GPM6A: variants seen among roughly 807,000 people sequenced by gnomAD.
GPM6A encodes glycoprotein M6A, also known as neuronal membrane glycoprotein M6-a.
Under a neutral mutation model 32.1 loss-of-function variants are expected in GPM6A, and 7 were observed. The observed-to-expected ratio is 0.22, with a 90% CI of 0.12 to 0.41. The LOEUF is 0.41. GPM6A is among the 10% of genes least tolerant of loss of function. The probability of loss-of-function intolerance (pLI) is 1.00; values close to 1 mark genes in which losing one functional copy is unlikely to be tolerated. For synonymous variants in GPM6A, 130 were observed against 123.4 expected (o/e 1.05, Z -0.35); for missense variants, 235 against 347.2 (o/e 0.68, Z 2.57).
chr4:175,950,028 A>C (rs892933398), intron 1 of GPM6A, among the ~76,000 whole-genome samples: 2 of 152,226 alleles, frequency 1.3e-5, no homozygotes, highest in African/African-American at 4.8e-5. Flanking sequence ...TTTTGTAAAG[A>C]AAATAAAGTA....
intron 1 of GPM6A, among the ~76,000 whole-genome samples, chr4:175,711,193 C>G (rs984684070): frequency 6.6e-6 from 1 of 151,594 alleles, no homozygotes; most frequent in African/African-American, 2.4e-5. Context: ...TTCAAAACTT[C>G]AATTGTTTGG....
chr4:175,640,711 T>G, intron 5 of GPM6A, 42 bp downstream of exon 5: 1 of 1,251,482 alleles, frequency 8.0e-7, no homozygotes, highest in Non-Finnish European at 1.2e-6. Context: ...AAAAAATGAA[T>G]GCTAAAATTC....
At chr4:175,947,992 A>G (rs1278746182) in intron 1 of GPM6A, among the ~76,000 whole-genome samples, 1 of 152,122 alleles carries the variant, frequency 6.6e-6, no homozygotes, top group African/African-American at 2.4e-5. Context: ...TTTTCTATGC[A>G]ACACTATATG....
intron 1 of GPM6A, among the ~76,000 whole-genome samples, chr4:175,824,213 T>G (rs904672843): frequency 2.0e-5 from 3 of 152,174 alleles, no homozygotes; most frequent in African/African-American, 7.2e-5. Context: ...ATTGATACAC[T>G]CAAGTAATTT....
intron 1 of GPM6A, among the ~76,000 whole-genome samples, chr4:175,740,534 C>T (rs79108515): frequency 0.046 from 7,008 of 151,992 alleles, 201 homozygotes; most frequent in Non-Finnish European, 0.063. Context: ...TATCTTCCCA[C>T]GAGTGCCTCC....
At chr4:175,830,503 C>T (rs538313688) in intron 1 of GPM6A, among the ~76,000 whole-genome samples, 1 of 152,284 alleles carries the variant, frequency 6.6e-6, no homozygotes, top group South Asian at 2.1e-4. Flanking sequence ...ATTTAATCTT[C>T]ACCATACCTC....
At chr4:175,895,856 A>C (rs1324785316) in intron 1 of GPM6A, among the ~76,000 whole-genome samples, 1 of 152,074 alleles carries the variant, frequency 6.6e-6, no homozygotes, top group East Asian at 1.9e-4. Context: ...TTTTTTAGTA[A>C]CTCTTCATAA....
rs568022651 is a variant in GPM6A at position 175,811,555 on chromosome 4, T to TA, written c.37+635dup. Among the ~76,000 whole-genome samples the TA allele has an allele frequency of 2.1e-3, 322 of 152,154 alleles. 2 individuals carry two copies. Among genetic ancestry groups the TA allele is most frequent in the African/African-American group, 7.3e-3 (302 of 41,532 alleles). On this transcript the variant is annotated intron_variant, in intron 1 of 6. Transcript: ENST00000393658. ...TACCTAGACAAGCTTTAAAAACACA[T>TA]AAAAAAATTTCCTTTAACATTATTA...
intron 1 of GPM6A, among the ~76,000 whole-genome samples, chr4:175,883,067 C>T (rs1737333323): frequency 6.6e-6 from 1 of 152,080 alleles, no homozygotes. Flanking sequence ...GAGTAGCTCA[C>T]ATGGCTGAAA....
intron 2 of GPM6A, among the ~76,000 whole-genome samples, chr4:175,687,257 G>T (rs922152670): frequency 1.3e-5 from 2 of 152,096 alleles, no homozygotes; most frequent in Non-Finnish European, 1.5e-5. Context: ...GCACAACGTG[G>T]TATAGCAGAT....
intron 1 of GPM6A, among the ~76,000 whole-genome samples, chr4:175,804,355 G>T (rs193145620): frequency 7.0e-4 from 107 of 152,108 alleles, no homozygotes; most frequent in Admixed American, 2.1e-3. Flanking sequence ...TCTCCCTTCT[G>T]CCCACCTCAT....
intron 1 of GPM6A, among the ~76,000 whole-genome samples, chr4:175,749,011 C>G (rs552183103): frequency 8.7e-4 from 132 of 152,182 alleles, no homozygotes; most frequent in African/African-American, 3.1e-3. Context: ...CTTTAACTTC[C>G]CCCCACCTCA....
intron 3 of GPM6A, among the ~76,000 whole-genome samples, chr4:175,663,657 A>G (rs1197943156): frequency 6.6e-6 from 1 of 152,012 alleles, no homozygotes; most frequent in Non-Finnish European, 1.5e-5. Flanking sequence ...TTACTTGTCA[A>G]TTTAAATCAA....
At chr4:175,681,507 T>A (rs964935352) in intron 2 of GPM6A, among the ~76,000 whole-genome samples, 1 of 152,230 alleles carries the variant, frequency 6.6e-6, no homozygotes, top group East Asian at 1.9e-4. Context: ...TGTCTGTTGA[T>A]AGTTTAGATA....
At chr4:175,775,373 T>C (rs902601784) in intron 1 of GPM6A, among the ~76,000 whole-genome samples, 1 of 152,078 alleles carries the variant, frequency 6.6e-6, no homozygotes, top group African/African-American at 2.4e-5. Context: ...TTTGAAGATA[T>C]AAAAAGAACG....
At position 175,980,103 on chromosome 4, in the gene GPM6A, A is replaced by G. The variant is rs532537033; in HGVS notation, c.-23+22206T>C. 3.9e-5 allele frequency among the ~76,000 whole-genome samples: 6 copies of G among 152,334 alleles called. No individual in the cohort carries two copies. In the South Asian group the frequency reaches 1.2e-3, roughly 32 times the overall value. On this transcript the variant is annotated intron_variant, in intron 1 of 7. Coordinates refer to the GPM6A transcript ENST00000280187. ...TAATATTATCATTTTACAAAAGTTA[A>G]AAAAGCAGCAGTTTGGGGGGCTCAG...
intron 3 of GPM6A, among the ~76,000 whole-genome samples, chr4:175,658,822 G>A (rs930369886): frequency 6.6e-6 from 1 of 152,164 alleles, no homozygotes; most frequent in African/African-American, 2.4e-5. Flanking sequence ...TACGATCTAA[G>A]TGTTCACTGT....
At chr4:175,906,578 C>T (rs1409969450) in intron 1 of GPM6A, 1 of 152,100 alleles carries the variant, frequency 6.6e-6, no homozygotes, top group African/African-American at 2.4e-5. Context: ...GCATAGCTTC[C>T]AAGCTTGCAT....
intron 1 of GPM6A, among the ~76,000 whole-genome samples, chr4:175,927,672 G>T (rs1355353648): frequency 2.6e-5 from 4 of 152,180 alleles, no homozygotes; most frequent in Admixed American, 6.5e-5. Flanking sequence ...ATCACTTGAG[G>T]TCAGGCGCTC....
Sources: gnomAD v4.1 joint callset for allele counts (sites outside exome capture counted in the v4.1 genomes callset) on GRCh38, gnomAD v4.1.1 for gene constraint, MANE v1.5 for transcripts, NCBI Gene and HGNC (gene_info 2026-07-23, HGNC 2026-07-21) for gene names.